The following HDAC9 variants were observed in gnomAD, a reference collection of about 807,000 sequenced individuals.
HDAC9 encodes the protein MEF-2 interacting transcription repressor (MITR) protein.
A neutral mutation model predicts 139.4 loss-of-function variants in HDAC9; 41 were observed. The observed-to-expected ratio is 0.29, with a 90% CI of 0.23 to 0.38. The LOEUF (loss-of-function observed/expected upper bound fraction) is 0.38, where lower values mean the gene tolerates loss of function less well. Among genes scored for constraint, HDAC9 ranks in the 10% least tolerant of loss-of-function variants. The pLI is 1.00. For missense variants in HDAC9, 1,147 were observed against 1,297.0 expected, an observed-to-expected ratio of 0.88 and a Z score of 1.78; for synonymous variants, 517 against 476.2, an observed-to-expected ratio of 1.09 and a Z score of -1.12.
intron 1 of HDAC9, among the ~76,000 whole-genome samples, chr7:18,478,368 G>A (rs565868448): frequency 2.5e-4 from 38 of 152,336 alleles, no homozygotes; most frequent in African/African-American, 7.5e-4. Flanking sequence ...GCCACGCCGG[G>A]CCAAAATACT....
intron 25 of HDAC9, among the ~76,000 whole-genome samples, 158 bp downstream of exon 25, chr7:18,976,111 A>G (rs1413901220): frequency 1.3e-5 from 2 of 152,214 alleles, no homozygotes; most frequent in Admixed American, 1.3e-4. Context: ...GCTTTAGGCT[A>G]TCGAGAATTC....
intron 12 of HDAC9, among the ~76,000 whole-genome samples, chr7:18,700,980 G>T (rs953946387): frequency 6.6e-6 from 1 of 152,048 alleles, no homozygotes; most frequent in Non-Finnish European, 1.5e-5. Flanking sequence ...TGCTTCACTG[G>T]GTACCTGTAC....
At chr7:18,994,750 G>C (rs1430064114) in intron 25 of HDAC9, among the ~76,000 whole-genome samples, 1 of 151,956 alleles carries the variant, frequency 6.6e-6, no homozygotes, top group African/African-American at 2.4e-5. Flanking sequence ...TGAAATCTTG[G>C]CTTTTTTTCT....
intron 1 of HDAC9, among the ~76,000 whole-genome samples, chr7:18,350,550 T>C (rs1349298635): frequency 1.3e-5 from 2 of 152,186 alleles, no homozygotes; most frequent in African/African-American, 4.8e-5. Context: ...AAAATAGTAA[T>C]ACTTTACTGA....
intron 11 of HDAC9, among the ~76,000 whole-genome samples, chr7:18,659,706 C>G (rs957058066): frequency 5.3e-5 from 8 of 152,190 alleles, no homozygotes; most frequent in African/African-American, 1.9e-4. Flanking sequence ...TCTTCTTCAT[C>G]TCTGCTGGGT....
At position 18,722,408 on chromosome 7, in the gene HDAC9, A is replaced by G. The variant is rs372484317; in HGVS notation, c.1732-5172A>G. ...GGGTATTTATCTAATTTTTATTAAC[A>G]GTAGATTCTGAACTGTTTGACATTT... is the stretch of plus-strand genomic sequence containing the variant. On this transcript the variant is annotated intron_variant, in intron 12 of 25. Coordinates refer to ENST00000686413, the MANE Select transcript of HDAC9 (RefSeq NM_178425.4). 5.3e-5 allele frequency among the ~76,000 whole-genome samples: 8 copies of G among 152,348 alleles called. No individual in the cohort carries two copies. In the East Asian group the frequency reaches 7.7e-4, roughly 15 times the overall value.
At position 18,496,027 on chromosome 7, in the gene HDAC9, G is replaced by A; in HGVS notation, c.-42+4G>A. On this transcript the variant is annotated splice_donor_region_variant and intron_variant, in intron 1 of 25. Coordinates refer to ENST00000686413, the MANE Select transcript of HDAC9 (RefSeq NM_178425.4). Reference sequence around the variant, plus strand: ...GTCCTTTCTGCTTTGCACACAGGTTGGTAACATGGGAAAAGTGTCCAGGTC... The same window carrying A: ...GTCCTTTCTGCTTTGCACACAGGTTAGTAACATGGGAAAAGTGTCCAGGTC... The A allele has an allele frequency of 7.0e-7, 1 of 1,431,758 alleles. No individual in the cohort carries two copies. The highest frequency in any genetic ancestry group is 9.1e-7 in the Non-Finnish European group (1 of 1,097,360). The allele number at this position is 1,431,758 out of a possible 1,614,324, so 88.7% of individuals were successfully genotyped here. A position where few individuals can be genotyped will look rare whatever the true frequency, so the allele number is the denominator to read the frequency against.
At chr7:18,947,777 C>A (rs1267554851) in intron 23 of HDAC9, among the ~76,000 whole-genome samples, 1 of 151,690 alleles carries the variant, frequency 6.6e-6, no homozygotes, top group Non-Finnish European at 1.5e-5. Context: ...GATACCAATA[C>A]CAAAAACTTA....
chr7:18,797,760 CA>C (rs1206147429), intron 17 of HDAC9, among the ~76,000 whole-genome samples: 2 of 151,612 alleles, frequency 1.3e-5, no homozygotes, highest in African/African-American at 4.8e-5. Flanking sequence ...ACCCAGGAGG[CA>C]GGGGTTACAG....
At chr7:18,695,335 G>A (rs1265259230) in intron 12 of HDAC9, among the ~76,000 whole-genome samples, 1 of 152,124 alleles carries the variant, frequency 6.6e-6, no homozygotes, top group Non-Finnish European at 1.5e-5. Context: ...GGAATCATGT[G>A]GGAATGTTGT....
At chr7:18,787,370 G>A (rs972392157) in intron 16 of HDAC9, among the ~76,000 whole-genome samples, 2 of 152,154 alleles carry the variant, frequency 1.3e-5, no homozygotes, top group Non-Finnish European at 2.9e-5. Flanking sequence ...ATGTATGTTA[G>A]GTCCAGACCC....
intron 16 of HDAC9, among the ~76,000 whole-genome samples, chr7:18,783,126 T>C (rs1175150201): frequency 2.0e-5 from 3 of 152,132 alleles, no homozygotes; most frequent in African/African-American, 4.8e-5. Flanking sequence ...CAAATTTTGG[T>C]GTATGACTCA....
intron 2 of HDAC9, among the ~76,000 whole-genome samples, chr7:18,171,919 T>C (rs1239810778): frequency 6.6e-6 from 1 of 152,182 alleles, no homozygotes; most frequent in African/African-American, 2.4e-5. Flanking sequence ...TTTTGTTGCG[T>C]CTCTGACAGG....
At chr7:18,777,717 G>A (rs998703449) in intron 16 of HDAC9, among the ~76,000 whole-genome samples, 2 of 151,762 alleles carry the variant, frequency 1.3e-5, no homozygotes, top group African/African-American at 4.8e-5. Context: ...AATAATTCTC[G>A]ACTTTGACCC....
intron 1 of HDAC9, among the ~76,000 whole-genome samples, chr7:18,439,032 T>C (rs1428033772): frequency 1.3e-5 from 2 of 152,208 alleles, no homozygotes; most frequent in African/African-American, 2.4e-5. Context: ...TGTACTTCCA[T>C]ATAATGTATA....
intron 1 of HDAC9, among the ~76,000 whole-genome samples, chr7:18,123,136 C>A (rs1784457778): frequency 6.6e-6 from 1 of 152,110 alleles, no homozygotes; most frequent in Non-Finnish European, 1.5e-5. Flanking sequence ...CAGAAAATTA[C>A]TTTAAAATGG....
intron 1 of HDAC9, among the ~76,000 whole-genome samples, chr7:18,359,057 T>C (rs1197429513): frequency 5.3e-5 from 8 of 152,216 alleles, no homozygotes. Context: ...TACTTCTTTC[T>C]TAAATTGGGG....
At chr7:18,920,747 A>G (rs1261111397) in intron 22 of HDAC9, among the ~76,000 whole-genome samples, 1 of 152,124 alleles carries the variant, frequency 6.6e-6, no homozygotes, top group Non-Finnish European at 1.5e-5. Context: ...ATCTATTGAG[A>G]TAATCATGTG....
intron 2 of HDAC9, among the ~76,000 whole-genome samples, chr7:18,242,688 CT>C (rs1294606583): frequency 6.6e-6 from 1 of 152,100 alleles, no homozygotes; most frequent in Non-Finnish European, 1.5e-5. Context: ...CTAATCATAG[CT>C]TTTTATGTTT....
Sources: gnomAD v4.1 joint callset for allele counts (sites outside exome capture counted in the v4.1 genomes callset) on GRCh38, gnomAD v4.1.1 for gene constraint, MANE v1.5 for transcripts, NCBI Gene and HGNC (gene_info 2026-07-23, HGNC 2026-07-21) for gene names.